Variants in MRPL1 observed in about 807,000 individuals in gnomAD.
The protein encoded by MRPL1 is large ribosomal subunit protein uL1m.
MRPL1 carries 28 observed loss-of-function variants against 38.0 expected under a neutral mutation model. The ratio of observed to expected loss-of-function variants is 0.74; its 90% CI spans 0.55 to 1.01. The LOEUF is 1.01. MRPL1 is among the 50% of genes least tolerant of loss of function. The pLI is 0.00. For synonymous variants in MRPL1, 123 were observed against 126.7 expected, an observed-to-expected ratio of 0.97 and a Z score of 0.20; for missense variants, 358 against 389.8, an observed-to-expected ratio of 0.92 and a Z score of 0.69.
chr4:77,945,154 TTATTATTATTATTATTAC>T (rs1371539761), intron 7 of MRPL1, among the ~76,000 whole-genome samples: 14 of 145,816 alleles, frequency 9.6e-5, no homozygotes, highest in African/African-American at 2.6e-4. Flanking sequence ...ATTATTATTA[TTATTATTATTATTATTAC>T]TACTACTACT....
At position 77,901,067 on chromosome 4, in the gene MRPL1, A is replaced by G. The variant is rs1578047994; in HGVS notation, c.670+6817A>G. Among the ~76,000 whole-genome samples the G allele has an allele frequency of 3.3e-5, 5 of 152,294 alleles. No homozygotes were observed. The South Asian group carries it at 1.0e-3, about 32-fold the overall frequency. ...GAGTAGCCTAGTAAATACTATTTTA[A>G]CTATAAATGCACAGGAAGTAAAGCA... On this transcript the variant is annotated intron_variant, in intron 6 of 8. Transcript: ENST00000315567.
At chr4:77,919,286 C>T (rs972348424) in intron 7 of MRPL1, among the ~76,000 whole-genome samples, 2 of 151,990 alleles carry the variant, frequency 1.3e-5, no homozygotes, top group Admixed American at 6.6e-5. Context: ...AAATACTTGG[C>T]CTTCAGCCTG....
At chr4:77,915,184 G>A (rs1736391898) in intron 7 of MRPL1, among the ~76,000 whole-genome samples, 1 of 152,156 alleles carries the variant, frequency 6.6e-6, no homozygotes, top group Admixed American at 6.5e-5. Context: ...TCCATTTCTA[G>A]TATTGATGTA....
At chr4:77,863,461 A>ATTTTTTTTTTTTTTTTTTTT (rs969402527) in intron 1 of MRPL1, among the ~76,000 whole-genome samples, 8 of 112,690 alleles carry the variant, frequency 7.1e-5, no homozygotes, top group African/African-American at 1.9e-4. Context: ...TTGTGCAACA[A>ATTTTTTTTTTTTTTTTTTTT]TTTTTTTTTT....
At chr4:77,935,426 GCT>G (rs2110261752) in intron 7 of MRPL1, among the ~76,000 whole-genome samples, 1 of 151,766 alleles carries the variant, frequency 6.6e-6, no homozygotes, top group African/African-American at 2.4e-5. Context: ...ACGGAGTCTC[GCT>G]CTCTCGCCCA....
At position 77,876,787 on chromosome 4, in the gene MRPL1, C is replaced by T. The variant is rs374664281; in HGVS notation, c.143+4932C>T. The stretch of plus-strand genomic sequence containing the variant: ...TCCCCTCTACCCTGTGTTGTGCAAG[C>T]ATATATCCTCTATTTGCCAGTAGCA... On this transcript the variant is annotated intron_variant, in intron 2 of 8. Coordinates refer to ENST00000315567, the MANE Select transcript of MRPL1 (RefSeq NM_020236.4). Among the ~76,000 whole-genome samples the T allele has an allele frequency of 3.3e-5, 5 of 152,106 alleles. No individual in the cohort carries two copies. In the East Asian group the frequency reaches 7.7e-4, roughly 23 times the overall value.
chr4:77,923,530 A>G lies in MRPL1; in HGVS notation c.777+14158A>G, dbSNP rs1257540394. ...TATATCCAACTATTCTTATATTCCAAGGATAAACCCTATTGTATATTATTG... is the reference window on the plus strand; with the variant it reads ...TATATCCAACTATTCTTATATTCCAGGGATAAACCCTATTGTATATTATTG... On this transcript the variant is annotated intron_variant, in intron 7 of 8. Transcript: ENST00000315567. 2.6e-5 allele frequency among the ~76,000 whole-genome samples: 4 copies of G among 152,248 alleles called. No homozygotes were observed. In the East Asian group the frequency reaches 7.7e-4, roughly 29 times the overall value.
intron 7 of MRPL1, among the ~76,000 whole-genome samples, chr4:77,929,975 A>G (rs1286464218): frequency 6.6e-6 from 1 of 152,216 alleles, no homozygotes; most frequent in African/African-American, 2.4e-5. Flanking sequence ...AGCTGTTATA[A>G]ATGGACAGAA....
chr4:77,944,582 A>G (rs1737210814), intron 7 of MRPL1, among the ~76,000 whole-genome samples: 1 of 152,158 alleles, frequency 6.6e-6, no homozygotes, highest in Non-Finnish European at 1.5e-5. Context: ...TTTGTATCTT[A>G]TTCGTCTTCC....
intron 7 of MRPL1, among the ~76,000 whole-genome samples, chr4:77,934,756 A>G (rs1012986497): frequency 6.6e-5 from 10 of 152,228 alleles, no homozygotes; most frequent in African/African-American, 2.4e-4. Context: ...TAGCATTCAC[A>G]GGAGCCAGAA....
intron 6 of MRPL1, among the ~76,000 whole-genome samples, chr4:77,900,994 G>C (rs1736022974): frequency 6.6e-6 from 1 of 151,944 alleles, no homozygotes; most frequent in Non-Finnish European, 1.5e-5. Context: ...TAAATGTAGG[G>C]GGTAAGGGAG....
intron 7 of MRPL1, among the ~76,000 whole-genome samples, chr4:77,941,008 G>A (rs1487012892): frequency 6.6e-6 from 1 of 152,156 alleles, no homozygotes; most frequent in African/African-American, 2.4e-5. Flanking sequence ...AGCGGTGCCT[G>A]TAATCCTAGC....
chr4:77,885,525 C>T (rs557299049), intron 4 of MRPL1, among the ~76,000 whole-genome samples, 186 bp downstream of exon 4: 28 of 152,244 alleles, frequency 1.8e-4, no homozygotes, highest in African/African-American at 6.3e-4. Context: ...CACCACCACG[C>T]CCAGCTAATT....
At chr4:77,902,621 G>A (rs1204759738) in intron 6 of MRPL1, among the ~76,000 whole-genome samples, 14 of 151,472 alleles carry the variant, frequency 9.2e-5, no homozygotes, top group Non-Finnish European at 1.5e-5. Context: ...AACTTTAGCT[G>A]GACTGATTTT....
At chr4:77,931,933 G>T (rs1352237258) in intron 7 of MRPL1, among the ~76,000 whole-genome samples, 1 of 152,114 alleles carries the variant, frequency 6.6e-6, no homozygotes, top group Non-Finnish European at 1.5e-5. Context: ...GTGAGGAGAT[G>T]GACGCAGAGC....
chr4:77,949,139 G>A (rs1383843376), intron 7 of MRPL1, among the ~76,000 whole-genome samples: 3 of 152,064 alleles, frequency 2.0e-5, no homozygotes, highest in Admixed American at 6.6e-5. Flanking sequence ...GTAATATAAC[G>A]GATTTTAACT....
At chr4:77,899,024 C>G (rs1011160943) in intron 6 of MRPL1, among the ~76,000 whole-genome samples, 3 of 133,884 alleles carry the variant, frequency 2.2e-5, no homozygotes, top group African/African-American at 5.8e-5. Flanking sequence ...GACAGAGTCT[C>G]GTTCTGTCAC....
At chr4:77,896,645 T>C (rs905787247) in intron 6 of MRPL1, among the ~76,000 whole-genome samples, 2 of 152,214 alleles carry the variant, frequency 1.3e-5, no homozygotes, top group Non-Finnish European at 2.9e-5. Flanking sequence ...AGAAATTACA[T>C]TTTGAGCAAG....
intron 2 of MRPL1, among the ~76,000 whole-genome samples, chr4:77,879,128 A>G (rs2110233056): frequency 6.6e-6 from 1 of 152,350 alleles, no homozygotes; most frequent in South Asian, 2.1e-4. Context: ...TGAGAATCAC[A>G]GTATTTAAGG....
Sources: gnomAD v4.1 joint callset for allele counts (sites outside exome capture counted in the v4.1 genomes callset) on GRCh38, gnomAD v4.1.1 for gene constraint, MANE v1.5 for transcripts, NCBI Gene and HGNC (gene_info 2026-07-23, HGNC 2026-07-21) for gene names.